MRPS11: variants seen among roughly 807,000 people sequenced by gnomAD.
MRPS11 encodes the protein small ribosomal subunit protein uS11m.
In MRPS11, 27 loss-of-function variants were observed where a neutral mutation model predicts 24.3. The ratio of observed to expected loss-of-function variants is 1.11; its 90% CI spans 0.82 to 1.53. The LOEUF is 1.53. Ranked by LOEUF, MRPS11 falls within the 40% of genes most tolerant of loss-of-function variation. The pLI, the probability that MRPS11 is intolerant of heterozygous loss-of-function variation, is 0.00. For missense variants in MRPS11, 277 were observed against 256.5 expected (o/e 1.08, Z -0.55); for synonymous variants, 104 against 98.7 (o/e 1.05, Z -0.32).
rs1440176021 is a variant in MRPS11 at position 88,469,748 on chromosome 15, A to G, written c.182+1724A>G. Among the ~76,000 whole-genome samples, 1 of 152,234 alleles carries G rather than the reference A, an allele frequency of 6.6e-6. No homozygotes were observed. Among genetic ancestry groups the G allele is most frequent in the Non-Finnish European group, 1.5e-5 (1 of 68,042 alleles). On this transcript the variant is annotated intron_variant, in intron 2 of 5. Coordinates refer to ENST00000325844, the MANE Select transcript of MRPS11 (RefSeq NM_022839.5). The surrounding 1 kb of genome is among the most constrained non-coding windows in gnomAD (Gnocchi z 4.4). Reference sequence around the variant, plus strand: ...AGTTAGAAGACTATTGAAATAATCCAGACAAGAAACAATGGTGGCTTGGAC... The same window carrying G: ...AGTTAGAAGACTATTGAAATAATCCGGACAAGAAACAATGGTGGCTTGGAC...
intron 2 of MRPS11, chr15:88,472,128 T>G (rs2055720270): frequency 6.5e-6 from 1 of 153,420 alleles, no homozygotes; most frequent in Non-Finnish European, 1.5e-5. Flanking sequence ...ATATTTACTA[T>G]CTGGCCCTTT....
Position 88,475,036 on chromosome 15 carries a change from A to G in MRPS11, c.282-74A>G. The G allele has an allele frequency of 6.4e-7, 1 of 1,553,054 alleles. No homozygotes were observed. The highest frequency in any genetic ancestry group is 8.7e-7 in the Non-Finnish European group (1 of 1,143,682). ...CTTTTTCTTTCTCACCCAGGCTTCT[A>G]GGGGCATAGATTAGCTCTCTCTTAT... On this transcript the variant is annotated intron_variant, in intron 3 of 5. Transcript: ENST00000325844. The surrounding 1 kb of genome is among the most constrained non-coding windows in gnomAD (Gnocchi z 4.1).
chr15:88,470,124 G>A (rs1480335475), intron 2 of MRPS11, among the ~76,000 whole-genome samples: 1 of 152,188 alleles, frequency 6.6e-6, no homozygotes, highest in Non-Finnish European at 1.5e-5. Context: ...AGACCAACCT[G>A]ACCAACATGG....
intron 2 of MRPS11, chr15:88,468,982 C>T (rs905726661): frequency 1.3e-5 from 2 of 150,778 alleles, no homozygotes; most frequent in African/African-American, 4.9e-5. Flanking sequence ...TGTACTCCAG[C>T]CTGGGTGACA....
chr15:88,468,047 C>T, intron 2 of MRPS11, 23 bp downstream of exon 2: 2 of 1,585,096 alleles, frequency 1.3e-6, no homozygotes, highest in Non-Finnish European at 1.7e-6. Flanking sequence ...TGGACCAGCC[C>T]TCTGGAGACC....
chr15:88,477,883 C>G lies in MRPS11; in HGVS notation c.489C>G (p.His163Gln), dbSNP rs115165544. The G allele has an allele frequency of 6.2e-7, 1 of 1,613,938 alleles. No individual in the cohort carries two copies. The highest frequency in any genetic ancestry group is 8.5e-7 in the Non-Finnish European group (1 of 1,179,876). Residue 163 changes from histidine to glutamine, a missense_variant, in exon 6 of 6, where the codon CAC becomes CAG. Transcript: ENST00000325844. This position sits in a 1 kb window ranked among gnomAD's most constrained non-coding sequence, Gnocchi z 5.7. ...TCTGTTCCTTCCAGTCTGCCATGCA[C>G]GGACTGATCATGGGCGGCCTGGAAG... is the stretch of plus-strand genomic sequence containing the variant. ...GLGPGRLSAM[H>Q]GLIMGGLEVI... is the part of the protein sequence containing the mutation.
At chr15:88,468,423 G>C in intron 2 of MRPS11, 1 of 1,058,534 alleles carries the variant, frequency 9.4e-7, no homozygotes, top group East Asian at 7.3e-5. Context: ...GATGGTCCAG[G>C]GTGGGTTTTG....
Position 88,480,125 on chromosome 15 carries a change from TC to T in MRPS11, c.*2149del, listed in dbSNP as rs1319438738. 1.3e-5 allele frequency: 2 copies of T among 152,320 alleles called. No homozygotes were observed. Among genetic ancestry groups the T allele is most frequent in the Non-Finnish European group, 2.9e-5 (2 of 68,116 alleles). The allele number at this position is 152,320 out of a possible 1,614,324, so 9.4% of individuals were successfully genotyped here. A position where few individuals can be genotyped will look rare whatever the true frequency, so the allele number is the denominator to read the frequency against. On this transcript the variant is annotated 3_prime_UTR_variant, in exon 6 of 6. Transcript: ENST00000325844. This position sits in a 1 kb window ranked among gnomAD's most constrained non-coding sequence, Gnocchi z 5.1. ...TGTTGTGGTACTTGGAGGCTCAGCC[TC>T]CCAGGCTGCAGAGTGGATCTGGAGG... is the stretch of plus-strand genomic sequence containing the variant.
At chr15:88,473,683 G>A (rs897843621) in intron 3 of MRPS11, among the ~76,000 whole-genome samples, 11 of 152,156 alleles carry the variant, frequency 7.2e-5, no homozygotes, top group Non-Finnish European at 1.6e-4. Flanking sequence ...GAATGTCAGA[G>A]CCATAGCCAG....
rs189343949 is a variant in MRPS11, at chr15:88,475,274, G to C, written c.411+35G>C. 781 of 1,613,106 alleles carry C rather than the reference G, an allele frequency of 4.8e-4. 6 individuals carry two copies. The highest frequency in any genetic ancestry group is 1.1e-5 in the Non-Finnish European group (13 of 1,179,764). On this transcript the variant is annotated intron_variant, in intron 4 of 5. Coordinates refer to ENST00000325844, the MANE Select transcript of MRPS11 (RefSeq NM_022839.5). This position sits in a 1 kb window ranked among gnomAD's most constrained non-coding sequence, Gnocchi z 4.1. ...TGTTCCTTCTGCTTCCTTCTAGTGT[G>C]TGTTTGCTTTCTGCATGGCTCATCA...
At chr15:88,472,279 T>C (rs1470209339) in intron 2 of MRPS11, 1 of 194,326 alleles carries the variant, frequency 5.1e-6, no homozygotes, top group Non-Finnish European at 1.1e-5. Flanking sequence ...AAACAGAGGT[T>C]TGACTGTATT....
rs2055846847 is a variant in MRPS11 at position 88,477,513 on chromosome 15, C to T, written c.478-359C>T. 6.6e-6 allele frequency among the ~76,000 whole-genome samples: 1 copy of T among 152,166 alleles called. No individual in the cohort carries two copies. The highest frequency in any genetic ancestry group is 1.5e-5 in the Non-Finnish European group (1 of 68,014). On this transcript the variant is annotated intron_variant, in intron 5 of 5. Transcript: ENST00000325844. This position sits in a 1 kb window ranked among gnomAD's most constrained non-coding sequence, Gnocchi z 5.7. ...ATGAGGTATCAGGGAGGTGGAGGCA[C>T]AGCAGGTACGGGGGGACATTGCAGG...
Position 88,477,053 on chromosome 15 carries a change from T to C in MRPS11, c.476T>C (p.Leu159Ser). The change falls in exon 5 of 6, where the codon TTG becomes TCG. Residue 159 changes from leucine to serine, a missense_variant and splice_region_variant. Coordinates refer to ENST00000325844, the MANE Select transcript of MRPS11 (RefSeq NM_022839.5). The surrounding 1 kb of genome is among the most constrained non-coding windows in gnomAD (Gnocchi z 5.7). ...GTGAAAGGCCTGGGGCCAGGACGCT[T>C]GGTAAGTTACAGTGATTTCCATAGT... is the stretch of plus-strand genomic sequence containing the variant. Reference protein sequence around the residue: ...VVVKGLGPGRLSAMHGLIMGG... With the variant: ...VVVKGLGPGRSSAMHGLIMGG... 6.2e-7 allele frequency: 1 copy of C among 1,613,916 alleles called. No homozygotes were observed. Among genetic ancestry groups the C allele is most frequent in the Admixed American group, 1.7e-5 (1 of 60,004 alleles).
rs1297610866 is a variant in MRPS11 at position 88,477,450 on chromosome 15, C to T, written c.477+396C>T. Reference sequence around the variant, plus strand: ...CATTAGCACAGATAATCTTTAGCTTCTTCAAAGAGGTGACATCTCTCTGAC... The same window carrying T: ...CATTAGCACAGATAATCTTTAGCTTTTTCAAAGAGGTGACATCTCTCTGAC... On this transcript the variant is annotated intron_variant, in intron 5 of 5. Coordinates refer to ENST00000325844, the MANE Select transcript of MRPS11 (RefSeq NM_022839.5). This position sits in a 1 kb window ranked among gnomAD's most constrained non-coding sequence, Gnocchi z 5.7. 6.6e-6 allele frequency among the ~76,000 whole-genome samples: 1 copy of T among 152,178 alleles called. No individual in the cohort carries two copies. Among genetic ancestry groups the T allele is most frequent in the Non-Finnish European group, 1.5e-5 (1 of 68,040 alleles).
In MRPS11 at chr15:88,474,951, T is replaced by C. The variant is rs1172884065; in HGVS notation, c.282-159T>C. 3.8e-6 allele frequency: 3 copies of C among 792,312 alleles called. No individual in the cohort carries two copies. The African/African-American group carries it at 5.2e-5, about 14-fold the overall frequency. 49.1% of individuals were successfully genotyped at this position (792,312 alleles called of 1,614,324 possible). Reference sequence around the variant, plus strand: ...GGAGAATTCTGACCTTTCCTGATACTTCCTGTAGGAGTTCAAAACATGTTC... The same window carrying C: ...GGAGAATTCTGACCTTTCCTGATACCTCCTGTAGGAGTTCAAAACATGTTC... On this transcript the variant is annotated intron_variant, in intron 3 of 5. Coordinates refer to ENST00000325844, the MANE Select transcript of MRPS11 (RefSeq NM_022839.5).
rs148719498 is a variant in MRPS11, at chr15:88,477,274, G to A, written c.477+220G>A. Among the ~76,000 whole-genome samples the A allele has an allele frequency of 2.5e-4, 38 of 152,152 alleles. 1 individual carries two copies. In the East Asian group the frequency reaches 6.4e-3, roughly 25 times the overall value. ...ACACTGAGTGCCTGCTGCGTGCCAC[G>A]CACTGGGAATGGGAAGGTGGTTCCT... On this transcript the variant is annotated intron_variant, in intron 5 of 5. Coordinates refer to ENST00000325844, the MANE Select transcript of MRPS11 (RefSeq NM_022839.5). This position sits in a 1 kb window ranked among gnomAD's most constrained non-coding sequence, Gnocchi z 5.7.
At chr15:88,473,281 C>T (rs2055754307) in intron 3 of MRPS11, among the ~76,000 whole-genome samples, 1 of 152,184 alleles carries the variant, frequency 6.6e-6, no homozygotes. Flanking sequence ...CAGACGGGGA[C>T]AGTGCCAAGG....
rs376032893 is a variant in MRPS11, at chr15:88,475,700, T to G, written c.411+461T>G. ...TAAATTAAAAATAGGCCAGGCGCGA[T>G]GGCTCACAGTTGTAATCCCAGCACT... is the stretch of plus-strand genomic sequence containing the variant. On this transcript the variant is annotated intron_variant, in intron 4 of 5. Coordinates refer to ENST00000325844, the MANE Select transcript of MRPS11 (RefSeq NM_022839.5). The surrounding 1 kb of genome is among the most constrained non-coding windows in gnomAD (Gnocchi z 4.1). Among the ~76,000 whole-genome samples, 192 of 152,292 alleles carry G rather than the reference T, an allele frequency of 1.3e-3. No individual in the cohort carries two copies. Among genetic ancestry groups the G allele is most frequent in the African/African-American group, 4.1e-3 (172 of 41,558 alleles).
At position 88,468,014 on chromosome 15, in the gene MRPS11, AC is replaced by A. The variant is rs1346574976; in HGVS notation, c.174del (p.Lys59SerfsTer15). 2 of 1,603,668 alleles carry A rather than the reference AC, an allele frequency of 1.2e-6. No homozygotes were observed. The highest frequency in any genetic ancestry group is 2.7e-5 in the African/African-American group (2 of 74,596). ...KVEQNAAPSH[T>X]KFSIYPPIPG... ...TGAACAGAACGCGGCTCCCAGCCAC[AC>A]CAAGTTCAGGTGAGCCCCACTTGGA... On this transcript the variant is annotated frameshift_variant, in exon 2 of 6. Transcript: ENST00000325844. LOFTEE classifies it high-confidence loss of function.
Sources: allele counts gnomAD v4.1 joint callset (sites outside exome capture counted in the v4.1 genomes callset), GRCh38; gene constraint gnomAD v4.1.1; non-coding constraint Gnocchi (gnomAD v3.1); transcripts MANE v1.5; gene names NCBI Gene and HGNC (gene_info 2026-07-23, HGNC 2026-07-21).